The following LRRTM4 variants were observed in gnomAD, a reference collection of about 807,000 sequenced individuals.
LRRTM4 encodes the protein leucine rich repeat transmembrane neuronal 4.
Under a neutral mutation model 47.6 loss-of-function variants are expected in LRRTM4, and 25 were observed. The observed-to-expected ratio is 0.53, with a 90% CI of 0.38 to 0.73. LRRTM4 has a LOEUF of 0.73. Among genes scored for constraint, LRRTM4 ranks in the 30% least tolerant of loss-of-function variants. The pLI, the probability that LRRTM4 is intolerant of heterozygous loss-of-function variation, is 0.00. For synonymous variants in LRRTM4, 311 were observed against 269.5 expected, an observed-to-expected ratio of 1.15 and a Z score of -1.51; for missense variants, 638 against 713.4, an observed-to-expected ratio of 0.89 and a Z score of 1.20.
intron 3 of LRRTM4, among the ~76,000 whole-genome samples, chr2:77,299,662 T>A (rs1677073592): frequency 6.6e-6 from 1 of 152,052 alleles, no homozygotes; most frequent in Non-Finnish European, 1.5e-5. Flanking sequence ...TAAGTAAAAC[T>A]GTTGCATTCT....
At chr2:76,752,206 A>G (rs986032139) in intron 3 of LRRTM4, among the ~76,000 whole-genome samples, 24 of 152,172 alleles carry the variant, frequency 1.6e-4, no homozygotes, top group African/African-American at 5.5e-4. Context: ...GAATCTACAG[A>G]TGAAAATAAG....
At chr2:77,206,823 C>T (rs1452171928) in intron 3 of LRRTM4, among the ~76,000 whole-genome samples, 5 of 152,036 alleles carry the variant, frequency 3.3e-5, no homozygotes, top group African/African-American at 1.2e-4. Context: ...CTCTATTCTC[C>T]AAAATCCTCT....
chr2:77,477,932 AAAGAAAGAAAGAAAG>A (rs1488665417), intron 3 of LRRTM4, among the ~76,000 whole-genome samples: 3 of 145,272 alleles, frequency 2.1e-5, no homozygotes, highest in African/African-American at 7.9e-5. Flanking sequence ...AGAAAGAAAG[AAAGAAAGAAAGAAAG>A]AAAGAAAGAA....
In LRRTM4 at chr2:76,864,030, C is replaced by T. The variant is rs182686591; in HGVS notation, c.1552-115114G>A. ...GGAAAATCAAACAAAATACATCCCA[C>T]GTGGAGGACAATGATCAGTGTTACT... is the stretch of plus-strand genomic sequence containing the variant. On this transcript the variant is annotated intron_variant, in intron 3 of 3. Coordinates refer to ENST00000409884, the MANE Select transcript of LRRTM4 (RefSeq NM_001134745.3). 2.7e-4 allele frequency among the ~76,000 whole-genome samples: 41 copies of T among 152,280 alleles called. No homozygotes were observed. The East Asian group carries it at 6.9e-3, about 26-fold the overall frequency.
chr2:77,432,150 T>C (rs1675403785), intron 3 of LRRTM4, among the ~76,000 whole-genome samples: 1 of 152,160 alleles, frequency 6.6e-6, no homozygotes, highest in African/African-American at 2.4e-5. Flanking sequence ...GCAGACAACA[T>C]TATATCTTAA....
At chr2:76,972,911 G>A (rs1676271704) in intron 3 of LRRTM4, among the ~76,000 whole-genome samples, 1 of 151,970 alleles carries the variant, frequency 6.6e-6, no homozygotes, top group Non-Finnish European at 1.5e-5. Context: ...AAAAAAGGTT[G>A]TTAACTCATA....
intron 3 of LRRTM4, among the ~76,000 whole-genome samples, chr2:77,260,344 T>C (rs114711493): frequency 2.2e-3 from 330 of 151,156 alleles, no homozygotes; most frequent in African/African-American, 7.6e-3. Flanking sequence ...TCACCTATCA[T>C]TGAAGAAATT....
intron 3 of LRRTM4, among the ~76,000 whole-genome samples, chr2:76,832,454 C>CT (rs541805872): frequency 0.064 from 6,016 of 94,084 alleles, 340 homozygotes; most frequent in African/African-American, 0.086. Context: ...CCTCGAAGGG[C>CT]TTTTTTTTTT....
intron 3 of LRRTM4, among the ~76,000 whole-genome samples, chr2:77,405,825 G>A (rs188043895): frequency 3.8e-4 from 58 of 152,194 alleles, no homozygotes; most frequent in Non-Finnish European, 6.9e-4. Flanking sequence ...AGGTGGCTGT[G>A]TCCTTATACT....
chr2:77,129,806 T>A (rs1671747386), intron 3 of LRRTM4, among the ~76,000 whole-genome samples: 4 of 152,192 alleles, frequency 2.6e-5, no homozygotes, highest in Admixed American at 2.6e-4. Context: ...TTTGTCTACC[T>A]CATTATTACT....
chr2:77,083,700 C>T (rs1680604979), intron 3 of LRRTM4, among the ~76,000 whole-genome samples: 1 of 145,576 alleles, frequency 6.9e-6, no homozygotes, highest in Non-Finnish European at 1.5e-5. Flanking sequence ...TTCACTCACT[C>T]TGGTAGAGTG....
chr2:77,479,701 GTCTCCATCTCTCTCTTTCTCTTC>G (rs992952802), intron 3 of LRRTM4, among the ~76,000 whole-genome samples: 6 of 151,236 alleles, frequency 4.0e-5, no homozygotes, highest in Non-Finnish European at 8.8e-5. Flanking sequence ...TCTTTTTCTC[GTCTCCATCTCTCTCTTTCTCTTC>G]TCTCCATCTC....
At chr2:77,083,668 G>A (rs1327194925) in intron 3 of LRRTM4, among the ~76,000 whole-genome samples, 1 of 150,860 alleles carries the variant, frequency 6.6e-6, no homozygotes, top group Non-Finnish European at 1.5e-5. Context: ...AGTTAGTAAA[G>A]ATCAATTATT....
intron 3 of LRRTM4, among the ~76,000 whole-genome samples, chr2:77,211,336 A>C (rs1369661958): frequency 6.6e-6 from 1 of 152,154 alleles, no homozygotes; most frequent in Non-Finnish European, 1.5e-5. Context: ...AAGCAGAGAG[A>C]GAGAATTAGA....
intron 3 of LRRTM4, among the ~76,000 whole-genome samples, chr2:77,148,219 G>A (rs1025409514): frequency 1.3e-5 from 2 of 152,088 alleles, no homozygotes; most frequent in Non-Finnish European, 2.9e-5. Context: ...TCCTTGGATT[G>A]CTGTTGATTT....
intron 3 of LRRTM4, among the ~76,000 whole-genome samples, chr2:76,812,729 TCTCCTCCTCCTC>T (rs991106349): frequency 8.2e-6 from 1 of 121,426 alleles, no homozygotes; most frequent in Admixed American, 8.9e-5. Flanking sequence ...TTTCTCTTTT[TCTCCTCCTCCTC>T]CTCCTCTCCC....
At chr2:77,488,220 A>T (rs1188102606) in intron 3 of LRRTM4, among the ~76,000 whole-genome samples, 1 of 152,088 alleles carries the variant, frequency 6.6e-6, no homozygotes, top group East Asian at 1.9e-4. Context: ...AGGCACCACC[A>T]CATTCCCCGG....
intron 3 of LRRTM4, among the ~76,000 whole-genome samples, chr2:76,789,143 A>T (rs554315160): frequency 6.6e-6 from 1 of 152,148 alleles, no homozygotes; most frequent in African/African-American, 2.4e-5. Flanking sequence ...CACACTCCCT[A>T]CCTCAAAGGG....
intron 3 of LRRTM4, among the ~76,000 whole-genome samples, chr2:77,337,671 C>T (rs1218782302): frequency 6.6e-6 from 1 of 152,092 alleles, no homozygotes; most frequent in African/African-American, 2.4e-5. Context: ...TTGTAAGTTT[C>T]CTGAGGCTTC....
Sources: allele counts gnomAD v4.1 joint callset (sites outside exome capture counted in the v4.1 genomes callset), GRCh38; gene constraint gnomAD v4.1.1; transcripts MANE v1.5; gene names NCBI Gene and HGNC (gene_info 2026-07-23, HGNC 2026-07-21).